The following FUT8 variants were observed in gnomAD, a reference collection of about 807,000 sequenced individuals.
The protein encoded by FUT8 is fucosyltransferase 8, also known as alpha-(1,6)-fucosyltransferase.
In FUT8, 29 loss-of-function variants were observed where a neutral mutation model predicts 71.3. The observed-to-expected ratio is 0.41, with a 90% CI of 0.30 to 0.55. The LOEUF is 0.55. FUT8 is among the 20% of genes least tolerant of loss of function. FUT8 has a pLI of 0.34. For missense variants in FUT8, 544 were observed against 702.1 expected (o/e 0.77, Z 2.55); for synonymous variants, 254 against 239.3 (o/e 1.06, Z -0.57).
At chr14:65,446,678 C>T (rs373479853) in intron 1 of FUT8, among the ~76,000 whole-genome samples, 49 of 134,240 alleles carry the variant, frequency 3.7e-4, no homozygotes, top group South Asian at 9.6e-4. Context: ...TGTTTTAGGG[C>T]TTTTTTTTTT....
At chr14:65,636,547 T>TA (rs1006233155) in intron 6 of FUT8, 38 of 152,334 alleles carry the variant, frequency 2.5e-4, no homozygotes, top group African/African-American at 8.9e-4. Context: ...GATTTGTCGT[T>TA]ACTGTCATTC....
At chr14:65,617,655 A>C (rs536272404) in intron 5 of FUT8, among the ~76,000 whole-genome samples, 8 of 152,246 alleles carry the variant, frequency 5.3e-5, no homozygotes, top group African/African-American at 1.9e-4. Context: ...TTAAGATTTG[A>C]GTAATTGGGC....
chr14:65,692,881 A>T (rs1244497756), intron 7 of FUT8, among the ~76,000 whole-genome samples: 7 of 138,096 alleles, frequency 5.1e-5, no homozygotes, highest in Admixed American at 2.9e-4. Context: ...GTGGCGGGGC[A>T]GAGGCGCTCC....
chr14:65,427,660 C>T (rs907790329), intron 1 of FUT8, among the ~76,000 whole-genome samples: 5 of 151,936 alleles, frequency 3.3e-5, no homozygotes, highest in Non-Finnish European at 5.9e-5. Flanking sequence ...CCTTATATAC[C>T]GAATTCCTTC....
At chr14:65,536,705 T>G (rs1884335178) in intron 2 of FUT8, among the ~76,000 whole-genome samples, 1 of 152,206 alleles carries the variant, frequency 6.6e-6, no homozygotes, top group Non-Finnish European at 1.5e-5. Context: ...CATTTCAGCC[T>G]CATAGAATCT....
intron 3 of FUT8, among the ~76,000 whole-genome samples, chr14:65,599,317 C>A (rs58925725): frequency 2.6e-5 from 4 of 152,080 alleles, no homozygotes; most frequent in Non-Finnish European, 4.4e-5. Flanking sequence ...TACCATGTTT[C>A]CCCCCATCTC....
At chr14:65,674,742 C>CT (rs747452875) in intron 7 of FUT8, among the ~76,000 whole-genome samples, 66 of 152,146 alleles carry the variant, frequency 4.3e-4, no homozygotes, top group Non-Finnish European at 8.1e-4. Context: ...AAGGTATACT[C>CT]TTTCTTATGA....
At chr14:65,499,674 G>T (rs61990023) in intron 2 of FUT8, among the ~76,000 whole-genome samples, 9,839 of 151,940 alleles carry the variant, frequency 0.065, 363 homozygotes, top group Admixed American at 0.11. Context: ...TTAGGCTGGT[G>T]CGGTGGTGTG....
At chr14:65,515,326 T>TTA (rs1439434862) in intron 2 of FUT8, among the ~76,000 whole-genome samples, 6 of 152,144 alleles carry the variant, frequency 3.9e-5, no homozygotes, top group Non-Finnish European at 8.8e-5. Flanking sequence ...TGCATTACAG[T>TTA]TACTGTAATT....
chr14:65,505,053 C>T (rs1378012571), intron 2 of FUT8, among the ~76,000 whole-genome samples: 2 of 152,164 alleles, frequency 1.3e-5, no homozygotes, highest in Non-Finnish European at 2.9e-5. Flanking sequence ...GATATAGTGG[C>T]TTTCTTAAAG....
the FUT8 span, among the ~76,000 whole-genome samples, chr14:65,380,713 C>G: frequency 2.8e-4 from 43 of 152,192 alleles, no homozygotes; most frequent in African/African-American, 9.7e-4. Flanking sequence ...CTTGCCTTTT[C>G]TTGCAGCTAC....
Position 65,638,510 on chromosome 14 carries a change from A to G in FUT8, c.597+8904A>G, listed in dbSNP as rs758122616. Among the ~76,000 whole-genome samples, 2 of 152,150 alleles carry G rather than the reference A, an allele frequency of 1.3e-5. No homozygotes were observed. Among genetic ancestry groups the G allele is most frequent in the African/African-American group, 2.4e-5 (1 of 41,434 alleles). On this transcript the variant is annotated intron_variant, in intron 6 of 10. Transcript: ENST00000673929. The surrounding 1 kb of genome is among the most constrained non-coding windows in gnomAD (Gnocchi z 4.5). ...ACTATTTCACTTTTTAAATGAGGAT[A>G]GGGATTTTTTTTCATTCAAAAATAA...
chr14:65,445,832 T>G (rs1435238668), intron 1 of FUT8, among the ~76,000 whole-genome samples: 3 of 152,246 alleles, frequency 2.0e-5, no homozygotes. Flanking sequence ...TCTCACTATG[T>G]TGCCCAGGCT....
At chr14:65,623,005 C>G (rs1439962715) in intron 5 of FUT8, among the ~76,000 whole-genome samples, 4 of 151,236 alleles carry the variant, frequency 2.6e-5, no homozygotes, top group Non-Finnish European at 5.9e-5. Context: ...ATCCTCCTGC[C>G]TCAGCCTCCC....
rs397779883 is a variant in FUT8, at chr14:65,742,955, G to GT, written c.*558dup. ...TGTTTTTTCCTTTATAAGGTTGTCT[G>GT]TTTTTTTTTTTTTAAATAATTGCAT... is the stretch of plus-strand genomic sequence containing the variant. On this transcript the variant is annotated 3_prime_UTR_variant, in exon 11 of 11. Coordinates refer to ENST00000673929, the MANE Select transcript of FUT8 (RefSeq NM_001371533.1). 0.035 allele frequency: 4,909 copies of GT among 139,500 alleles called. 79 individuals carry two copies. Among genetic ancestry groups the GT allele is most frequent in the Middle Eastern group, 0.1 (27 of 264 alleles). The allele number at this position is 139,500 out of a possible 1,614,324, so 8.6% of individuals were successfully genotyped here.
At chr14:65,676,607 C>T (rs1442399333) in intron 7 of FUT8, among the ~76,000 whole-genome samples, 1 of 150,796 alleles carries the variant, frequency 6.6e-6, no homozygotes, top group Non-Finnish European at 1.5e-5. Context: ...CCCACCCCTC[C>T]TTCCTTCTTC....
At chr14:65,614,464 A>G (rs1012922259) in intron 3 of FUT8, among the ~76,000 whole-genome samples, 5 of 152,242 alleles carry the variant, frequency 3.3e-5, no homozygotes, top group African/African-American at 4.8e-5. Context: ...TTAAAACAAC[A>G]TAAATTTATT....
At chr14:65,606,155 C>G (rs141140297) in intron 3 of FUT8, among the ~76,000 whole-genome samples, 3,767 of 150,190 alleles carry the variant, frequency 0.025, 164 homozygotes, top group African/African-American at 0.087. Context: ...TTACTGCAAC[C>G]TCCGCCTCCC....
chr14:65,402,915 G>A, the FUT8 span, among the ~76,000 whole-genome samples: 1 of 152,142 alleles, frequency 6.6e-6, no homozygotes, highest in Non-Finnish European at 1.5e-5. Context: ...CAATTTATAG[G>A]GAGTTGTTTT....
Sources: gnomAD v4.1 joint callset for allele counts (sites outside exome capture counted in the v4.1 genomes callset) on GRCh38, gnomAD v4.1.1 for gene constraint, Gnocchi (gnomAD v3.1) non-coding constraint, MANE v1.5 for transcripts, NCBI Gene and HGNC (gene_info 2026-07-23, HGNC 2026-07-21) for gene names.